Variants in GFAP observed in about 807,000 individuals in gnomAD.
GFAP encodes the protein intermediate filament protein.
GFAP carries 38 observed loss-of-function variants against 49.3 expected under a neutral mutation model. That is an observed-to-expected ratio of 0.77 (90% CI 0.60 to 1.01). GFAP has a LOEUF of 1.01. GFAP is among the 50% of genes least tolerant of loss of function. The probability of loss-of-function intolerance (pLI) is 0.00; values close to 1 mark genes in which losing one functional copy is unlikely to be tolerated. For synonymous variants in GFAP, 222 were observed against 236.4 expected, an observed-to-expected ratio of 0.94 and a Z score of 0.56; for missense variants, 463 against 579.1, an observed-to-expected ratio of 0.80 and a Z score of 2.06.
intron 3 of GFAP, 93 bp from the exon 4 acceptor site, chr17:44,913,523 G>C: frequency 7.2e-7 from 1 of 1,383,768 alleles, no homozygotes; most frequent in Non-Finnish European, 1.0e-6. Context: ...CCTGCCCCTC[G>C]GCCAGGAGTT....
Position 44,905,000 on chromosome 17 carries a change from G to C in GFAP, c.*2347C>G. On this transcript the variant is annotated 3_prime_UTR_variant, in exon 9 of 9. Coordinates refer to ENST00000588735, the MANE Select transcript of GFAP (RefSeq NM_002055.5). ...GATAGGCTACCTGCTCATCACAGCA[G>C]TCTTTGTCACCATTCACTTCTGTCG... is the stretch of plus-strand genomic sequence containing the variant. 1 of 1,550,878 alleles carries C rather than the reference G, an allele frequency of 6.4e-7. No homozygotes were observed. Among genetic ancestry groups the C allele is most frequent in the Admixed American group, 2.0e-5 (1 of 51,002 alleles).
At position 44,905,820 on chromosome 17, in the gene GFAP, G is replaced by A. The variant is rs2051644868; in HGVS notation, c.*1527C>T. ...GAGAACCCTGAAGTGGGCCCTCCCAGTCCCATCTCTGGGCACAGATCCCAC... is the reference window on the plus strand; with the variant it reads ...GAGAACCCTGAAGTGGGCCCTCCCAATCCCATCTCTGGGCACAGATCCCAC... On this transcript the variant is annotated 3_prime_UTR_variant, in exon 9 of 9. Transcript: ENST00000588735. 6.6e-6 allele frequency: 1 copy of A among 152,654 alleles called. No individual in the cohort carries two copies. The highest frequency in any genetic ancestry group is 1.5e-5 in the Non-Finnish European group (1 of 68,450). The allele number at this position is 152,654 out of a possible 1,614,324, so 9.5% of individuals were successfully genotyped here.
At chr17:44,914,222 G>A (rs576692201) in intron 1 of GFAP, 134 bp from the exon 2 acceptor site, 3 of 681,422 alleles carry the variant, frequency 4.4e-6, no homozygotes, top group East Asian at 5.4e-5. Flanking sequence ...AGGATTAAGG[G>A]TTGGGGGGCC....
chr17:44,908,232 C>T (rs780477783), intron 7 of GFAP, 83 bp from the exon 8 acceptor site: 5 of 904,282 alleles, frequency 5.5e-6, no homozygotes, highest in Non-Finnish European at 9.3e-6. Flanking sequence ...CCCATCGCAC[C>T]CCCCTCCCCA....
rs1001350705 is a variant in GFAP at position 44,903,376 on chromosome 17, C to T, written c.*3971G>A. ...CCATCAGCTCAGGTCCAGCCAGCCT[C>T]CCGGATGGCCAGATATGCAGGAGGG... is the stretch of plus-strand genomic sequence containing the variant. On this transcript the variant is annotated 3_prime_UTR_variant, in exon 9 of 9. Coordinates refer to ENST00000588735, the MANE Select transcript of GFAP (RefSeq NM_002055.5). 3.6e-5 allele frequency: 45 copies of T among 1,248,416 alleles called. No individual in the cohort carries two copies. Among genetic ancestry groups the T allele is most frequent in the Non-Finnish European group, 4.2e-5 (42 of 997,708 alleles). 77.3% of individuals were successfully genotyped at this position (1,248,416 alleles called of 1,614,324 possible).
In GFAP at chr17:44,906,812, G is replaced by T. The variant is rs917428535; in HGVS notation, c.*535C>A. On this transcript the variant is annotated 3_prime_UTR_variant, in exon 9 of 9. Coordinates refer to ENST00000588735, the MANE Select transcript of GFAP (RefSeq NM_002055.5). ...TTCAAGGTCAGCCTAGGCAGCATAG[G>T]GATATCCCACCTCATAAAAACCAAA... 4.2e-5 allele frequency: 9 copies of T among 214,270 alleles called. No individual in the cohort carries two copies. Among genetic ancestry groups the T allele is most frequent in the African/African-American group, 2.1e-4 (9 of 43,642 alleles). 13.3% of individuals were successfully genotyped at this position (214,270 alleles called of 1,614,324 possible).
rs2051749750 is a variant in GFAP, at chr17:44,911,016, G to A, written c.1127+220C>T. 1.9e-5 allele frequency: 12 copies of A among 623,286 alleles called. No homozygotes were observed. In the South Asian group the frequency reaches 2.1e-4, roughly 11 times the overall value. 38.6% of individuals were successfully genotyped at this position (623,286 alleles called of 1,614,324 possible). On this transcript the variant is annotated intron_variant, in intron 6 of 8. Transcript: ENST00000588735. ...GTTTGGAGGGTGACCCAAGTCCTTG[G>A]CCTTGAGGCCTAATCAATATTGGTT...
intron 7 of GFAP, chr17:44,909,908 G>T (rs1430450142): frequency 2.9e-6 from 4 of 1,375,516 alleles, no homozygotes; most frequent in Non-Finnish European, 3.8e-6. Flanking sequence ...GCTCCACTGC[G>T]CACCCAAGGA....
rs1477147614 is a variant in GFAP at position 44,910,030 on chromosome 17, T to A, written c.1171+585A>T. 12 of 1,594,530 alleles carry A rather than the reference T, an allele frequency of 7.5e-6. No homozygotes were observed. The African/African-American group carries it at 1.3e-4, about 18-fold the overall frequency. On this transcript the variant is annotated intron_variant, in intron 7 of 8. Transcript: ENST00000588735. ...GGAAAATGACGCAGTCCAGGCCCTT[T>A]AGGGGAAGCCTGGGAAGAGGGAACT...
chr17:44,907,008 T>G lies in GFAP; in HGVS notation c.*339A>C. ...TTTCCATAACAACAGGAATCAGGGATGTGGAGGGCGATGTAGTAGGTGCCC... is the reference window on the plus strand; with the variant it reads ...TTTCCATAACAACAGGAATCAGGGAGGTGGAGGGCGATGTAGTAGGTGCCC... On this transcript the variant is annotated 3_prime_UTR_variant, in exon 9 of 9. Transcript: ENST00000588735. 1 of 418,648 alleles carries G rather than the reference T, an allele frequency of 2.4e-6. No homozygotes were observed. The highest frequency in any genetic ancestry group is 4.5e-6 in the Non-Finnish European group (1 of 222,458). 25.9% of individuals were successfully genotyped at this position (418,648 alleles called of 1,614,324 possible).
At chr17:44,911,559 C>A (rs1180837079) in intron 5 of GFAP, 103 bp from the exon 6 acceptor site, 26 of 1,563,424 alleles carry the variant, frequency 1.7e-5, no homozygotes, top group Non-Finnish European at 2.3e-5. Flanking sequence ...CCGGGGGTAA[C>A]GTTCAGGCCC....
At position 44,913,771 on chromosome 17, in the gene GFAP, G is replaced by A. The variant is rs371490189; in HGVS notation, c.575C>T (p.Ser192Leu). The A allele has an allele frequency of 5.0e-6, 8 of 1,614,016 alleles. No individual in the cohort carries two copies. The highest frequency in any genetic ancestry group is 4.5e-5 in the East Asian group (2 of 44,866). The change falls in exon 3 of 9, where the codon TCG becomes TTG. Residue 192 changes from serine (S) to leucine (L), a missense_variant. This residue lies in a region of GFAP where 362 missense variants were observed against 445.5 expected (regional missense o/e 0.81). Coordinates refer to ENST00000588735, the MANE Select transcript of GFAP (RefSeq NM_002055.5). ...CAAGAACCGGATCTCCTCCTCCAGC[G>A]ACTCAATCTTCCTCTCCAGATCCAG... ...ARLDLERKIE[S>L]LEEEIRFLRK... is the part of the protein sequence containing the mutation.
chr17:44,914,938 G>T, intron 1 of GFAP, 88 bp downstream of exon 1: 1 of 1,182,942 alleles, frequency 8.5e-7, no homozygotes, highest in Non-Finnish European at 1.2e-6. Flanking sequence ...AGGGAGGTTC[G>T]GCCCCTCCCT....
chr17:44,904,877 G>C lies in GFAP; in HGVS notation c.*2470C>G. 1 of 1,550,666 alleles carries C rather than the reference G, an allele frequency of 6.4e-7. No homozygotes were observed. The highest frequency in any genetic ancestry group is 8.7e-7 in the Non-Finnish European group (1 of 1,146,968). ...CATCTACTATTGCTGGAGGCAGGGTGTGCTAGTTGCTGGCTTCCGGCTGGG... is the reference window on the plus strand; with the variant it reads ...CATCTACTATTGCTGGAGGCAGGGTCTGCTAGTTGCTGGCTTCCGGCTGGG... On this transcript the variant is annotated 3_prime_UTR_variant, in exon 9 of 9. Transcript: ENST00000588735.
chr17:44,910,875 C>G, intron 6 of GFAP: 1 of 649,646 alleles, frequency 1.5e-6, no homozygotes, highest in Non-Finnish European at 2.6e-6. Flanking sequence ...GCATGTCTAT[C>G]TGAAGGAAGA....
intron 1 of GFAP, chr17:44,914,334 C>A: frequency 1.8e-6 from 1 of 556,724 alleles, no homozygotes; most frequent in Non-Finnish European, 3.2e-6. Flanking sequence ...TCTGCTCACA[C>A]AGGCGCATCC....
At position 44,913,386 on chromosome 17, in the gene GFAP, A is replaced by G. The variant is rs1489054977; in HGVS notation, c.663T>C (p.His221=). ...CTGGCTTGGCCACGTCAAGCTCCAC[A>G]TGGACCTGCTGTCGGGCCAGCTGCT... ...LQEQLARQQV[H]VELDVAKPDL... is the part of the protein sequence containing the mutation. The change falls in exon 4 of 9, where the codon CAT becomes CAC. Residue 221 remains histidine (H), a synonymous_variant. Transcript: ENST00000588735. 6.2e-7 allele frequency: 1 copy of G among 1,614,176 alleles called. No homozygotes were observed.
At chr17:44,910,490 G>C (rs1035170321) in intron 7 of GFAP, 125 bp downstream of exon 7, 1 of 1,553,652 alleles carries the variant, frequency 6.4e-7, no homozygotes, top group Non-Finnish European at 8.7e-7. Context: ...GCAGTGTCAC[G>C]AAGGCCCCCA....
chr17:44,913,493 C>G, intron 3 of GFAP, 63 bp from the exon 4 acceptor site: 2 of 1,553,076 alleles, frequency 1.3e-6, no homozygotes, highest in Admixed American at 1.7e-5. Context: ...GGGTTCCCCA[C>G]GCCATTGTGT....
Sources: gnomAD v4.1 joint callset for allele counts on GRCh38, gnomAD v4.1.1 for gene constraint, gnomAD v4.1.1 regional missense constraint, MANE v1.5 for transcripts, NCBI Gene and HGNC (gene_info 2026-07-23, HGNC 2026-07-21) for gene names.